NPR3: variants seen among roughly 807,000 people sequenced by gnomAD.
NPR3 encodes natriuretic peptide receptor 3.
NPR3 carries 34 observed loss-of-function variants against 54.5 expected under a neutral mutation model. That is an observed-to-expected ratio of 0.62 (90% CI 0.47 to 0.83). The LOEUF is 0.83. Ranked by LOEUF, NPR3 falls within the 40% of genes least tolerant of loss-of-function variation. The pLI is 0.00. For synonymous variants in NPR3, 289 were observed against 297.1 expected, an observed-to-expected ratio of 0.97 and a Z score of 0.28; for missense variants, 674 against 720.8, an observed-to-expected ratio of 0.94 and a Z score of 0.74.
In NPR3 at chr5:32,766,159, G is replaced by A. The variant is rs895042365; in HGVS notation, c.1060-8549G>A. ...AGCACAGAGCTGGCTGGAGAAGGGC[G>A]GGAAGTGGACTGGAGGAGTAACCTG... On this transcript the variant is annotated intron_variant, in intron 3 of 7. Transcript: ENST00000265074. Among the ~76,000 whole-genome samples the A allele has an allele frequency of 2.6e-5, 4 of 152,326 alleles. No homozygotes were observed. In the South Asian group the frequency reaches 6.2e-4, roughly 24 times the overall value.
Position 32,774,760 on chromosome 5 carries a change from C to T in NPR3, c.1112C>T (p.Ala371Val), listed in dbSNP as rs1243237134. ...FHDAILLYVLALHEVLRAGYS... is the reference protein window; with the variant it reads ...FHDAILLYVLVLHEVLRAGYS... ...GATGCCATCCTCCTCTACGTCTTGG[C>T]TCTACATGAAGTACTCAGAGCTGGT... The change falls in exon 4 of 8, where the codon GCT (alanine) becomes GTT (valine). Residue 371 changes from alanine (A) to valine (V), a missense_variant. Ala to Val is a moderately conservative substitution (Grantham distance 64). Coordinates refer to ENST00000265074, the MANE Select transcript of NPR3 (RefSeq NM_001204375.2). 3.1e-6 allele frequency: 5 copies of T among 1,605,534 alleles called. No individual in the cohort carries two copies. Among genetic ancestry groups the T allele is most frequent in the African/African-American group, 1.3e-5 (1 of 74,850 alleles).
At chr5:32,777,629 G>A (rs923154653) in intron 4 of NPR3, among the ~76,000 whole-genome samples, 4 of 152,204 alleles carry the variant, frequency 2.6e-5, no homozygotes, top group Non-Finnish European at 4.4e-5. Context: ...GGCAGGACAG[G>A]ACAGTAGGGA....
rs1554015457 is a variant in NPR3, at chr5:32,739,191, T to TTTA, written c.1059+163_1059+164insATT. 9.8e-3 allele frequency among the ~76,000 whole-genome samples: 1,492 copies of TTTA among 151,646 alleles called. 29 individuals are homozygous for TTTA. Among genetic ancestry groups the TTTA allele is most frequent in the African/African-American group, 0.035 (1,440 of 41,262 alleles). On this transcript the variant is annotated intron_variant, in intron 3 of 7. Coordinates refer to ENST00000265074, the MANE Select transcript of NPR3 (RefSeq NM_001204375.2). ...TGTGTGTGTGTGTGTGTGTTTTTTTTTTTTCCTTTCTGGGTGGTTTTCCTC... is the reference window on the plus strand; with the variant it reads ...TGTGTGTGTGTGTGTGTGTTTTTTTTTTATTTTCCTTTCTGGGTGGTTTTCCTC...
intron 2 of NPR3, among the ~76,000 whole-genome samples, chr5:32,731,517 G>A (rs577273690): frequency 6.6e-6 from 1 of 152,316 alleles, no homozygotes; most frequent in Admixed American, 6.5e-5. Flanking sequence ...ATCAGACTCA[G>A]TAATAAATGA....
At chr5:32,768,354 A>C (rs1249284475) in intron 3 of NPR3, among the ~76,000 whole-genome samples, 1 of 152,224 alleles carries the variant, frequency 6.6e-6, no homozygotes, top group Non-Finnish European at 1.5e-5. Flanking sequence ...GACGAGAAGC[A>C]TCTGTATATG....
chr5:32,786,074 C>T (rs564546462), intron 7 of NPR3, among the ~76,000 whole-genome samples, 160 bp from the exon 8 acceptor site: 1 of 152,328 alleles, frequency 6.6e-6, no homozygotes, highest in African/African-American at 2.4e-5. Flanking sequence ...GGCACCATGC[C>T]TGGGGGCACA....
chr5:32,766,836 G>A (rs1478573661), intron 3 of NPR3, among the ~76,000 whole-genome samples: 2 of 152,168 alleles, frequency 1.3e-5, no homozygotes, highest in Non-Finnish European at 2.9e-5. Context: ...CTTATTTAGA[G>A]ATATCTTTGG....
intron 1 of NPR3, among the ~76,000 whole-genome samples, chr5:32,717,061 A>T (rs530131341): frequency 8.0e-6 from 1 of 125,108 alleles, no homozygotes; most frequent in African/African-American, 3.0e-5. Context: ...TGTCCAAGTG[A>T]TCTCATTGTT....
intron 2 of NPR3, 62 bp downstream of exon 2, chr5:32,724,882 A>G: frequency 1.3e-6 from 2 of 1,587,524 alleles, no homozygotes; most frequent in Non-Finnish European, 1.7e-6. Flanking sequence ...TCAGATGCCC[A>G]TGAATGGTGG....
At chr5:32,709,012 G>A (rs1400973871), upstream of NPR3, among the ~76,000 whole-genome samples, 1 of 151,330 alleles carries the variant, frequency 6.6e-6, no homozygotes, top group African/African-American at 2.4e-5. Context: ...ACTGCAAGTC[G>A]AGAGCTCTTG....
chr5:32,701,259 T>A (rs1350709490), intron 1 of NPR3, among the ~76,000 whole-genome samples: 1 of 152,234 alleles, frequency 6.6e-6, no homozygotes, highest in Non-Finnish European at 1.5e-5. Context: ...TTCACTAGTT[T>A]TTTCTTCTGC....
chr5:32,724,547 T>C (rs1739036954), intron 1 of NPR3, 151 bp from the exon 2 acceptor site: 2 of 818,680 alleles, frequency 2.4e-6, no homozygotes, highest in Admixed American at 5.4e-5. Context: ...GGTTCCTCCA[T>C]GGTCCATTTG....
intron 1 of NPR3, among the ~76,000 whole-genome samples, chr5:32,697,882 A>G (rs1182564175): frequency 6.6e-6 from 1 of 151,568 alleles, no homozygotes; most frequent in Non-Finnish European, 1.5e-5. Flanking sequence ...ATTCTCTTTT[A>G]TTTTTAGTCT....
chr5:32,710,912 G>GTA, upstream of NPR3: 1 of 885,376 alleles, frequency 1.1e-6, no homozygotes, highest in East Asian at 3.4e-5. Context: ...GTGTGTGTGT[G>GTA]TGTGTATGTG....
rs751449359 is a variant in NPR3 at position 32,789,611 on chromosome 5, A to C, written c.*3266A>C. ...AAGACGTTTGCTTTGGAATGCCCTC[A>C]CTTCTCCCTATTCACAGGCTTCTAA... On this transcript the variant is annotated 3_prime_UTR_variant, in exon 8 of 8. Coordinates refer to ENST00000265074, the MANE Select transcript of NPR3 (RefSeq NM_001204375.2). 2 of 534,778 alleles carry C rather than the reference A, an allele frequency of 3.7e-6. No individual in the cohort carries two copies. Among genetic ancestry groups the C allele is most frequent in the Admixed American group, 3.9e-5 (2 of 51,592 alleles). The allele number at this position is 534,778 out of a possible 1,614,324, so 33.1% of individuals were successfully genotyped here. A position where few individuals can be genotyped will look rare whatever the true frequency, so the allele number is the denominator to read the frequency against.
chr5:32,723,891 C>T (rs920046911), intron 1 of NPR3, among the ~76,000 whole-genome samples: 7 of 151,958 alleles, frequency 4.6e-5, no homozygotes, highest in South Asian at 2.1e-4. Context: ...CTCTCCCCTC[C>T]TCTCCCTTCC....
At position 32,712,469 on chromosome 5, in the gene NPR3, G is replaced by A. The variant is rs763277450; in HGVS notation, c.693G>A (p.Thr231=). Residue 231 remains threonine, a synonymous_variant, in exon 1 of 8, where the codon ACG becomes ACA. Coordinates refer to ENST00000265074, the MANE Select transcript of NPR3 (RefSeq NM_001204375.2). ...TCTTCCAGGAGGAGGGTTTGCACAC[G>A]TCCATCTACAGTTTCGACGAGACCA... is the stretch of plus-strand genomic sequence containing the variant. ...HEVFQEEGLH[T]SIYSFDETKD... 9.4e-6 allele frequency: 15 copies of A among 1,599,652 alleles called. No homozygotes were observed. The Admixed American group carries it at 1.2e-4, about 13-fold the overall frequency.
upstream of NPR3, chr5:32,710,031 C>T (rs1399507369): frequency 6.6e-6 from 1 of 152,078 alleles, no homozygotes; most frequent in Non-Finnish European, 1.5e-5. Flanking sequence ...ATTCTCCCGC[C>T]CAGTGTAGCC....
chr5:32,759,882 T>A (rs1322991670), intron 3 of NPR3, among the ~76,000 whole-genome samples: 2 of 152,196 alleles, frequency 1.3e-5, no homozygotes, highest in African/African-American at 4.8e-5. Flanking sequence ...TTTGGTTGGA[T>A]ATGAAATTCT....
Sources: gnomAD v4.1 joint callset for allele counts (sites outside exome capture counted in the v4.1 genomes callset) on GRCh38, gnomAD v4.1.1 for gene constraint, MANE v1.5 for transcripts, NCBI Gene and HGNC (gene_info 2026-07-23, HGNC 2026-07-21) for gene names.